The following CXXC5 variants were observed in gnomAD, a reference collection of about 807,000 sequenced individuals.
The protein encoded by CXXC5 is CXXC finger protein 5.
CXXC5 carries 2 observed loss-of-function variants against 17.6 expected under a neutral mutation model. The observed-to-expected ratio is 0.11, with a 90% CI of 0.05 to 0.36. The LOEUF (loss-of-function observed/expected upper bound fraction) is 0.36, where lower values mean the gene tolerates loss of function less well. Ranked by LOEUF, CXXC5 falls within the 10% of genes least tolerant of loss-of-function variation. The pLI, the probability that CXXC5 is intolerant of heterozygous loss-of-function variation, is 1.00. For missense variants in CXXC5, 343 were observed against 458.3 expected (o/e 0.75, Z 2.30); for synonymous variants, 171 against 193.0 (o/e 0.89, Z 0.94).
At chr5:139,677,258 G>T (rs1023770098) in intron 1 of CXXC5, among the ~76,000 whole-genome samples, 1 of 151,980 alleles carries the variant, frequency 6.6e-6, no homozygotes, top group Non-Finnish European at 1.5e-5. Context: ...GCTCATTCCC[G>T]CTCCGCTTCA....
chr5:139,673,865 A>AG, intron 1 of CXXC5, among the ~76,000 whole-genome samples: 1 of 149,640 alleles, frequency 6.7e-6, no homozygotes. Flanking sequence ...AGAGAGAGAG[A>AG]AAACAGAGCT....
In CXXC5 at chr5:139,681,083, G is replaced by T; in HGVS notation, c.560G>T (p.Gly187Val). Reference sequence around the variant, plus strand: ...CATCTCCCGCTGATGAGCGAGGCGGGTGCTGGCCTGCCTGACATGGAGGCT... The same window carrying T: ...CATCTCCCGCTGATGAGCGAGGCGGTTGCTGGCCTGCCTGACATGGAGGCT... ...QEHLPLMSEA[G>V]AGLPDMEAVA... The change falls in exon 2 of 3, where the codon GGT (glycine) becomes GTT (valine). Residue 187 changes from glycine to valine, a missense_variant. Physicochemically the swap from Gly to Val is moderately radical, Grantham distance 109 (BLOSUM62 -3). Around this residue, in one of 4 missense-constraint regions of CXXC5, gnomAD observed 297 missense variants for 363.4 expected, o/e 0.82. Transcript: ENST00000302517. The T allele has an allele frequency of 6.2e-7, 1 of 1,612,750 alleles. No individual in the cohort carries two copies. Among genetic ancestry groups the T allele is most frequent in the Non-Finnish European group, 8.5e-7 (1 of 1,179,994 alleles).
upstream of CXXC5, chr5:139,648,092 G>T (rs1287672195): frequency 1.4e-5 from 2 of 145,902 alleles, no homozygotes; most frequent in East Asian, 4.0e-4. Flanking sequence ...AATAGGCGAA[G>T]ACGGGGCGCG....
intron 1 of CXXC5, among the ~76,000 whole-genome samples, chr5:139,660,931 C>A (rs1402795953): frequency 7.1e-6 from 1 of 141,810 alleles, no homozygotes; most frequent in Non-Finnish European, 1.5e-5. Flanking sequence ...TTGCCTGGGC[C>A]TGGTGGCCGG....
intron 1 of CXXC5, among the ~76,000 whole-genome samples, chr5:139,657,881 G>A (rs1046922943): frequency 6.9e-6 from 1 of 145,258 alleles, no homozygotes; most frequent in Non-Finnish European, 1.5e-5. Context: ...CCTGACGCCC[G>A]CCCTCCCTCC....
At chr5:139,650,091 C>A (rs924943778) in intron 1 of CXXC5, among the ~76,000 whole-genome samples, 1 of 152,016 alleles carries the variant, frequency 6.6e-6, no homozygotes, top group African/African-American at 2.4e-5. Context: ...GTTCTTTTTT[C>A]CCCCCCGGGA....
rs567905841 is a variant in CXXC5, at chr5:139,660,770, C to T, written c.-161+11925C>T. Among the ~76,000 whole-genome samples the T allele has an allele frequency of 3.8e-3, 573 of 150,086 alleles. 3 individuals carry two copies. Among genetic ancestry groups the T allele is most frequent in the Middle Eastern group, 0.014 (4 of 294 alleles). ...CTATATTTAGTCAGTCCTGCAGAGC[C>T]AGGGCGCCTCTGGGAGCAGCTGCTG... On this transcript the variant is annotated intron_variant, in intron 1 of 2. Transcript: ENST00000302517.
rs1276191868 is a variant in CXXC5, at chr5:139,663,170, A to G, written c.-161+14325A>G. Among the ~76,000 whole-genome samples the G allele has an allele frequency of 6.6e-6, 1 of 152,134 alleles. No individual in the cohort carries two copies. Among genetic ancestry groups the G allele is most frequent in the African/African-American group, 2.4e-5 (1 of 41,430 alleles). On this transcript the variant is annotated intron_variant, in intron 1 of 2. Transcript: ENST00000302517. The surrounding 1 kb of genome is among the most constrained non-coding windows in gnomAD (Gnocchi z 4.2). ...GGTTGGACCCAGGGCAAAGGAACCC[A>G]TGGGTGTTGGGTGGAAAATCCTGGA...
In CXXC5 at chr5:139,681,161, C is replaced by T; in HGVS notation, c.638C>T (p.Ala213Val). Residue 213 changes from alanine (A) to valine (V), a missense_variant, in exon 2 of 3, where the codon GCT (alanine) becomes GTT (valine). Coordinates refer to ENST00000302517, the MANE Select transcript of CXXC5 (RefSeq NM_016463.9). Reference protein sequence around the residue: ...NGQSDFPYLGAFPINPGLFIM... With the variant: ...NGQSDFPYLGVFPINPGLFIM... ...CAGTCCGACTTCCCCTACCTGGGCG[C>T]TTTCCCCATCAACCCAGGCCTCTTC... 1.2e-6 allele frequency: 2 copies of T among 1,612,922 alleles called. No individual in the cohort carries two copies. The highest frequency in any genetic ancestry group is 1.7e-6 in the Non-Finnish European group (2 of 1,179,986).
intron 1 of CXXC5, among the ~76,000 whole-genome samples, chr5:139,650,328 C>G (rs1398193879): frequency 6.6e-6 from 1 of 152,190 alleles, no homozygotes; most frequent in Admixed American, 6.5e-5. Flanking sequence ...ACCAGCGGAC[C>G]AGACTCCTGA....
At chr5:139,659,992 A>C (rs974569006) in intron 1 of CXXC5, among the ~76,000 whole-genome samples, 1 of 152,096 alleles carries the variant, frequency 6.6e-6, no homozygotes, top group East Asian at 1.9e-4. Context: ...ACAGACAGGC[A>C]TGTGGGGAAT....
At chr5:139,666,335 G>T (rs1373987080) in intron 1 of CXXC5, among the ~76,000 whole-genome samples, 1 of 152,140 alleles carries the variant, frequency 6.6e-6, no homozygotes, top group African/African-American at 2.4e-5. Flanking sequence ...ATCCCTGTGT[G>T]TGCCTGTGGG....
At chr5:139,656,299 G>T (rs1370936037) in intron 1 of CXXC5, among the ~76,000 whole-genome samples, 1 of 152,226 alleles carries the variant, frequency 6.6e-6, no homozygotes, top group African/African-American at 2.4e-5. Flanking sequence ...TCTTGCCACA[G>T]TCCCCTTGGC....
rs892126819 is a variant in CXXC5 at position 139,670,221 on chromosome 5, AG to A, written c.-160-10140del. On this transcript the variant is annotated intron_variant, in intron 1 of 2. Transcript: ENST00000302517. The surrounding 1 kb of genome is among the most constrained non-coding windows in gnomAD (Gnocchi z 4.2). ...TCGCCTGCCTCCCCCACGCCTCTGC[AG>A]GGAGGGCCTGCGGTCTGGGGGCTTT... Among the ~76,000 whole-genome samples, 1 of 152,166 alleles carries A rather than the reference AG, an allele frequency of 6.6e-6. No individual in the cohort carries two copies. The highest frequency in any genetic ancestry group is 2.4e-5 in the African/African-American group (1 of 41,442).
Position 139,681,197 on chromosome 5 carries a change from C to T in CXXC5, c.674C>T (p.Pro225Leu). Residue 225 changes from proline to leucine, a missense_variant, in exon 2 of 3, where the codon CCG becomes CTG. Physicochemically the swap from Pro to Leu is moderately conservative, Grantham distance 98. Transcript: ENST00000302517. ...PINPGLFIMT[P>L]AGVFLAESAL... ...AACCCAGGCCTCTTCATTATGACCCCGGCAGGTGTGTTCCTGGCCGAGAGC... is the reference window on the plus strand; with the variant it reads ...AACCCAGGCCTCTTCATTATGACCCTGGCAGGTGTGTTCCTGGCCGAGAGC... 1 of 1,612,896 alleles carries T rather than the reference C, an allele frequency of 6.2e-7. No homozygotes were observed. Among genetic ancestry groups the T allele is most frequent in the Non-Finnish European group, 8.5e-7 (1 of 1,179,966 alleles).
Position 139,661,337 on chromosome 5 carries a change from C to T in CXXC5, c.-161+12492C>T, listed in dbSNP as rs1225292758. Among the ~76,000 whole-genome samples the T allele has an allele frequency of 6.6e-6, 1 of 152,148 alleles. No individual in the cohort carries two copies. Among genetic ancestry groups the T allele is most frequent in the African/African-American group, 2.4e-5 (1 of 41,430 alleles). ...AGTTAGAGTGCACACTCACGCACCC[C>T]ACACGCGGCACACCCAGGCACACAC... is the stretch of plus-strand genomic sequence containing the variant. On this transcript the variant is annotated intron_variant, in intron 1 of 2. Coordinates refer to ENST00000302517, the MANE Select transcript of CXXC5 (RefSeq NM_016463.9). This position sits in a 1 kb window ranked among gnomAD's most constrained non-coding sequence, Gnocchi z 4.7.
chr5:139,674,584 T>A (rs1376427283), intron 1 of CXXC5, among the ~76,000 whole-genome samples: 3 of 152,240 alleles, frequency 2.0e-5, no homozygotes, highest in African/African-American at 7.2e-5. Flanking sequence ...GGATGGTGCC[T>A]TGGTCAAACC....
In CXXC5 at chr5:139,648,383, T is replaced by G. The variant is rs970299966; in HGVS notation, c.-623T>G. 6.4e-6 allele frequency: 1 copy of G among 155,876 alleles called. No individual in the cohort carries two copies. The highest frequency in any genetic ancestry group is 2.5e-5 in the African/African-American group (1 of 40,602). The allele number at this position is 155,876 out of a possible 1,614,324, so 9.7% of individuals were successfully genotyped here. On this transcript the variant is annotated 5_prime_UTR_variant, in exon 1 of 3. The change abolishes an upstream ATG in the 5' untranslated region. Transcript: ENST00000302517. ...AGAGGCGGCTGAGCCTGAGCGGGGATGTAGAGGCGGCGGCAGCAGAGGCGG... is the reference window on the plus strand; with the variant it reads ...AGAGGCGGCTGAGCCTGAGCGGGGAGGTAGAGGCGGCGGCAGCAGAGGCGG...
At chr5:139,669,203 A>G (rs1368070274) in intron 1 of CXXC5, among the ~76,000 whole-genome samples, 6 of 152,202 alleles carry the variant, frequency 3.9e-5, no homozygotes, top group Non-Finnish European at 7.4e-5. Flanking sequence ...GGGGAGCGCC[A>G]TGGCAGTGTC....
Sources: gnomAD v4.1 joint callset for allele counts (sites outside exome capture counted in the v4.1 genomes callset) on GRCh38, gnomAD v4.1.1 for gene constraint, gnomAD v4.1.1 regional missense constraint, Gnocchi (gnomAD v3.1) non-coding constraint, MANE v1.5 for transcripts, NCBI Gene and HGNC (gene_info 2026-07-23, HGNC 2026-07-21) for gene names.